CEP170: variants seen among roughly 807,000 people sequenced by gnomAD.
CEP170 encodes centrosomal protein of 170 kDa.
CEP170 carries 21 observed loss-of-function variants against 151.9 expected under a neutral mutation model. That is an observed-to-expected ratio of 0.14 (90% CI 0.10 to 0.20). The LOEUF is 0.20. CEP170 is among the 10% of genes least tolerant of loss of function. The pLI, the probability that CEP170 is intolerant of heterozygous loss-of-function variation, is 1.00. For missense variants in CEP170, 964 were observed against 1,892.9 expected, an observed-to-expected ratio of 0.51 and a Z score of 9.11; for synonymous variants, 356 against 648.8, an observed-to-expected ratio of 0.55 and a Z score of 6.86.
intron 2 of CEP170, among the ~76,000 whole-genome samples, chr1:243,223,607 C>G (rs915532668): frequency 6.6e-6 from 1 of 152,170 alleles, no homozygotes; most frequent in Non-Finnish European, 1.5e-5. Flanking sequence ...CAGCAAAAGA[C>G]AGAGCACACT....
intron 7 of CEP170, among the ~76,000 whole-genome samples, chr1:243,195,856 CAG>C (rs1255847611): frequency 6.6e-6 from 1 of 151,898 alleles, no homozygotes; most frequent in Admixed American, 6.6e-5. Flanking sequence ...AAATCTGAAA[CAG>C]TAATATCCTC....
chr1:243,156,388 G>A lies in CEP170; in HGVS notation c.3744C>T (p.Asn1248=), dbSNP rs777231540. 6.4e-6 allele frequency: 10 copies of A among 1,557,862 alleles called. No individual in the cohort carries two copies. The highest frequency in any genetic ancestry group is 1.7e-4 in the Middle Eastern group (1 of 6,018). The change falls in exon 14 of 20, where the codon AAC becomes AAT. Residue 1248 remains asparagine, a synonymous_variant. Coordinates refer to ENST00000366542, the MANE Select transcript of CEP170 (RefSeq NM_014812.3). The stretch of plus-strand genomic sequence containing the variant: ...GACGGGTATGTTTAGGGGAATTACG[G>A]TTTGATCCAAATTCATCTTCTGAGG... ...ASTSEDEFGS[N]RNSPKHTRLR...
chr1:243,125,602 T>G lies in CEP170; in HGVS notation c.*847A>C, dbSNP rs1258750563. ...CTCCACCTAAACTATCTGTCTAGTT[T>G]AATCTTTCTAGTTATCATTTAACCT... On this transcript the variant is annotated 3_prime_UTR_variant, in exon 20 of 20. Coordinates refer to ENST00000366542, the MANE Select transcript of CEP170 (RefSeq NM_014812.3). 6.5e-6 allele frequency: 1 copy of G among 154,850 alleles called. No homozygotes were observed. The highest frequency in any genetic ancestry group is 1.4e-5 in the Non-Finnish European group (1 of 69,552). The allele number at this position is 154,850 out of a possible 1,614,324, so 9.6% of individuals were successfully genotyped here. A position where few individuals can be genotyped will look rare whatever the true frequency, so the allele number is the denominator to read the frequency against.
At chr1:243,135,055 C>G (rs2054883332) in intron 17 of CEP170, among the ~76,000 whole-genome samples, 2 of 152,060 alleles carry the variant, frequency 1.3e-5, no homozygotes, top group Non-Finnish European at 2.9e-5. Context: ...TGATGTATTA[C>G]TTTTGCTAAA....
chr1:243,150,392 C>T (rs932770663), intron 14 of CEP170, among the ~76,000 whole-genome samples: 1 of 152,216 alleles, frequency 6.6e-6, no homozygotes, highest in Admixed American at 6.5e-5. Flanking sequence ...CTCAGGTGAT[C>T]CGCCTGCCTT....
At chr1:243,220,607 G>A (rs1165945411) in intron 3 of CEP170, among the ~76,000 whole-genome samples, 2 of 152,154 alleles carry the variant, frequency 1.3e-5, no homozygotes, top group Non-Finnish European at 2.9e-5. Context: ...TGTACATAAT[G>A]TTTGATGTAC....
chr1:243,171,817 A>C (rs1469706120), intron 11 of CEP170, among the ~76,000 whole-genome samples: 1 of 152,132 alleles, frequency 6.6e-6, no homozygotes, highest in Non-Finnish European at 1.5e-5. Flanking sequence ...TGTAGATGAG[A>C]AAACAGAAGA....
rs1242733628 is a variant in CEP170, at chr1:243,189,399, A to AC, written c.1108+1618_1108+1619insG. ...GTGAAACCCCGTCTCTACTAAAAAT[A>AC]AAAAAAATTAGCCGGGTGTGGTGGT... On this transcript the variant is annotated intron_variant, in intron 8 of 19. Transcript: ENST00000366542. 2.0e-5 allele frequency among the ~76,000 whole-genome samples: 3 copies of AC among 151,558 alleles called. No individual in the cohort carries two copies. In the East Asian group the frequency reaches 5.8e-4, roughly 29 times the overall value.
chr1:243,165,808 T>C lies in CEP170; in HGVS notation c.2152A>G (p.Thr718Ala), dbSNP rs1180328210. 1 of 1,613,992 alleles carries C rather than the reference T, an allele frequency of 6.2e-7. No homozygotes were observed. The highest frequency in any genetic ancestry group is 1.1e-5 in the South Asian group (1 of 91,082). Reference sequence around the variant, plus strand: ...GCAGAGCTGCCTAAGTGAAGTAGGGTTTTATTATCTCCACCAGTTTTGAGA... The same window carrying C: ...GCAGAGCTGCCTAAGTGAAGTAGGGCTTTATTATCTCCACCAGTTTTGAGA... ...ETLKTGGDNK[T>A]LLHLGSSAPG... The change falls in exon 13 of 20, where the codon ACC becomes GCC. Residue 718 changes from threonine (T) to alanine (A), a missense_variant. Transcript: ENST00000366542.
intron 3 of CEP170, among the ~76,000 whole-genome samples, chr1:243,212,727 G>C (rs1271570184): frequency 6.6e-6 from 1 of 151,644 alleles, no homozygotes; most frequent in Non-Finnish European, 1.5e-5. Context: ...GCGGTGGTGC[G>C]ATCATGGTGC....
chr1:243,165,943 G>C lies in CEP170; in HGVS notation c.2017C>G (p.Gln673Glu). Residue 673 changes from glutamine to glutamate, a missense_variant, in exon 13 of 20, where the codon CAA (glutamine) becomes GAA (glutamate). By Grantham distance (29) the Gln-to-Glu change is conservative. Transcript: ENST00000366542. Reference protein sequence around the residue: ...VTQRSEIGEKQDTELQEKETP... With the variant: ...VTQRSEIGEKEDTELQEKETP... Reference sequence around the variant, plus strand: ...TCTTTCTCCTGAAGTTCTGTGTCTTGTTTTTCTCCTATCTCTGACCTCTGT... The same window carrying C: ...TCTTTCTCCTGAAGTTCTGTGTCTTCTTTTTCTCCTATCTCTGACCTCTGT... 1.2e-6 allele frequency: 2 copies of C among 1,613,698 alleles called. No homozygotes were observed. The highest frequency in any genetic ancestry group is 1.7e-6 in the Non-Finnish European group (2 of 1,179,702).
intron 17 of CEP170, among the ~76,000 whole-genome samples, chr1:243,131,801 T>C (rs2054450077): frequency 6.6e-6 from 1 of 152,176 alleles, no homozygotes; most frequent in Non-Finnish European, 1.5e-5. Context: ...AGCATGAAAA[T>C]ACATAAAATT....
intron 3 of CEP170, among the ~76,000 whole-genome samples, chr1:243,220,440 GA>G (rs959665888): frequency 1.9e-4 from 28 of 146,696 alleles, no homozygotes; most frequent in Non-Finnish European, 3.2e-4. Context: ...AACCAACAGA[GA>G]AAAAAAAAGG....
At chr1:243,238,575 T>A (rs960405837) in intron 1 of CEP170, among the ~76,000 whole-genome samples, 1 of 152,184 alleles carries the variant, frequency 6.6e-6, no homozygotes, top group African/African-American at 2.4e-5. Flanking sequence ...CAAGTGGAAG[T>A]AACCCAAAAC....
intron 16 of CEP170, among the ~76,000 whole-genome samples, chr1:243,139,332 C>G (rs1350913615): frequency 6.6e-6 from 1 of 152,100 alleles, no homozygotes; most frequent in East Asian, 1.9e-4. Context: ...AAACTCCTGA[C>G]CTCAGGTGAT....
rs749391059 is a variant in CEP170, at chr1:243,165,904, C to T, written c.2056G>A (p.Val686Ile). 6.2e-7 allele frequency: 1 copy of T among 1,613,696 alleles called. No individual in the cohort carries two copies. Among genetic ancestry groups the T allele is most frequent in the East Asian group, 2.2e-5 (1 of 44,886 alleles). Reference sequence around the variant, plus strand: ...GCATCTTGTTTATCTTTCTGGTATACCTGTGTAGGTGTTTCTTTCTCCTGA... The same window carrying T: ...GCATCTTGTTTATCTTTCTGGTATATCTGTGTAGGTGTTTCTTTCTCCTGA... ...ELQEKETPTQ[V>I]YQKDKQDADR... Residue 686 changes from valine (V) to isoleucine (I), a missense_variant, in exon 13 of 20, where the codon GTA (valine) becomes ATA (isoleucine). Transcript: ENST00000366542.
chr1:243,192,730 T>G (rs543132122), intron 7 of CEP170, among the ~76,000 whole-genome samples: 1 of 152,244 alleles, frequency 6.6e-6, no homozygotes, highest in Non-Finnish European at 1.5e-5. Context: ...TGTCAGGTAC[T>G]ATAATTGGTT....
Position 243,126,004 on chromosome 1 carries a change from T to C in CEP170, c.*445A>G. 2.6e-6 allele frequency: 1 copy of C among 388,770 alleles called. No homozygotes were observed. Among genetic ancestry groups the C allele is most frequent in the Non-Finnish European group, 4.9e-6 (1 of 202,774 alleles). The allele number at this position is 388,770 out of a possible 1,614,324, so 24.1% of individuals were successfully genotyped here. The stretch of plus-strand genomic sequence containing the variant: ...ATGAGTACTAATATAAATCCTATTA[T>C]TAAGAAGCAAATAGAATGGTTTAAC... On this transcript the variant is annotated 3_prime_UTR_variant, in exon 20 of 20. Coordinates refer to ENST00000366542, the MANE Select transcript of CEP170 (RefSeq NM_014812.3).
At chr1:243,204,113 G>A (rs2061249136) in intron 4 of CEP170, among the ~76,000 whole-genome samples, 1 of 151,972 alleles carries the variant, frequency 6.6e-6, no homozygotes, top group South Asian at 2.1e-4. Context: ...GTTCTTTTAA[G>A]CTTTGAGAAA....
Sources: allele counts gnomAD v4.1 joint callset (sites outside exome capture counted in the v4.1 genomes callset), GRCh38; gene constraint gnomAD v4.1.1; transcripts MANE v1.5; gene names NCBI Gene and HGNC (gene_info 2026-07-23, HGNC 2026-07-21).